Variants in MTA3 observed in about 807,000 individuals in gnomAD.
MTA3 encodes the protein metastasis-associated protein MTA3.
Under a neutral mutation model 83.5 loss-of-function variants are expected in MTA3, and 34 were observed. That is an observed-to-expected ratio of 0.41 (90% CI 0.31 to 0.54). The LOEUF (loss-of-function observed/expected upper bound fraction) is 0.54. Among genes scored for constraint, MTA3 ranks in the 20% least tolerant of loss-of-function variants. MTA3 has a pLI of 0.33. For synonymous variants in MTA3, 303 were observed against 252.7 expected, an observed-to-expected ratio of 1.20 and a Z score of -1.89; for missense variants, 761 against 726.4, an observed-to-expected ratio of 1.05 and a Z score of -0.55.
intron 2 of MTA3, among the ~76,000 whole-genome samples, chr2:42,558,037 A>G (rs1558434681): frequency 6.6e-6 from 1 of 152,112 alleles, no homozygotes; most frequent in African/African-American, 2.4e-5. Flanking sequence ...CACTTTGCCA[A>G]ATCCAGTGTT....
intron 14 of MTA3, among the ~76,000 whole-genome samples, chr2:42,712,306 T>C (rs550975203): frequency 1.7e-4 from 26 of 152,240 alleles, no homozygotes; most frequent in Middle Eastern, 6.8e-3. Context: ...ATAGGAATTT[T>C]TTTTTTTAAG....
intron 7 of MTA3, among the ~76,000 whole-genome samples, chr2:42,656,823 A>T (rs1216611870): frequency 6.6e-6 from 1 of 152,252 alleles, no homozygotes; most frequent in East Asian, 1.9e-4. Context: ...TTAAAAAATG[A>T]TAACAGTAAA....
intron 16 of MTA3, among the ~76,000 whole-genome samples, chr2:42,745,867 G>A (rs1393074604): frequency 7.7e-6 from 1 of 129,454 alleles, no homozygotes; most frequent in Non-Finnish European, 1.6e-5. Flanking sequence ...AGATGGGAAT[G>A]CAGTGGCTCA....
chr2:42,674,063 T>C (rs1691098547), intron 8 of MTA3, among the ~76,000 whole-genome samples: 1 of 152,200 alleles, frequency 6.6e-6, no homozygotes. Context: ...TGCCAAGCTA[T>C]AGGTTGGGTC....
intron 3 of MTA3, among the ~76,000 whole-genome samples, chr2:42,587,887 TGGTGTACTA>T (rs1250456513): frequency 6.6e-6 from 1 of 152,166 alleles, no homozygotes; most frequent in Non-Finnish European, 1.5e-5. Context: ...CAGGTGTCCC[TGGTGTACTA>T]ACCTAATGTT....
At chr2:42,544,495 G>A (rs1676668987) in intron 2 of MTA3, among the ~76,000 whole-genome samples, 1 of 149,616 alleles carries the variant, frequency 6.7e-6, no homozygotes. Context: ...CATAGTTATA[G>A]TCATGCTTTG....
At chr2:42,592,979 T>C (rs1304577694) in intron 3 of MTA3, among the ~76,000 whole-genome samples, 1 of 150,536 alleles carries the variant, frequency 6.6e-6, no homozygotes, top group East Asian at 2.0e-4. Flanking sequence ...GGTGAAACAC[T>C]GTCTCTACTA....
intron 2 of MTA3, among the ~76,000 whole-genome samples, chr2:42,543,996 C>G (rs1676642603): frequency 6.6e-6 from 1 of 152,028 alleles, no homozygotes; most frequent in Non-Finnish European, 1.5e-5. Flanking sequence ...TCAACTCCAT[C>G]TTTAAACTAG....
At chr2:42,582,637 T>C (rs1274821585) in intron 3 of MTA3, among the ~76,000 whole-genome samples, 6 of 152,172 alleles carry the variant, frequency 3.9e-5, no homozygotes, top group African/African-American at 1.4e-4. Flanking sequence ...TTAAAAAAAT[T>C]ATTGCTGCAA....
At chr2:42,710,549 C>CA (rs765315082) in intron 14 of MTA3, among the ~76,000 whole-genome samples, 2,400 of 60,412 alleles carry the variant, frequency 0.04, 74 homozygotes, top group Middle Eastern at 0.054. Context: ...AACTTCATCT[C>CA]AAAAAAAAAA....
At chr2:42,714,514 T>A (rs1015377724) in intron 14 of MTA3, among the ~76,000 whole-genome samples, 1 of 152,196 alleles carries the variant, frequency 6.6e-6, no homozygotes, top group Non-Finnish European at 1.5e-5. Context: ...TTTTTGTGAA[T>A]TCTGTGTGTA....
intron 10 of MTA3, among the ~76,000 whole-genome samples, chr2:42,696,902 A>G (rs1693434540): frequency 6.6e-6 from 1 of 152,230 alleles, no homozygotes; most frequent in Non-Finnish European, 1.5e-5. Context: ...AAGACCATGT[A>G]GTCTGGGAAC....
intron 5 of MTA3, among the ~76,000 whole-genome samples, chr2:42,643,700 G>T (rs914668299): frequency 6.6e-6 from 1 of 152,212 alleles, no homozygotes; most frequent in East Asian, 1.9e-4. Flanking sequence ...CTAAAAGCTG[G>T]GATGGACATT....
At chr2:42,667,281 A>G (rs1690309309) in intron 8 of MTA3, among the ~76,000 whole-genome samples, 1 of 152,068 alleles carries the variant, frequency 6.6e-6, no homozygotes, top group Admixed American at 6.6e-5. Flanking sequence ...CCATTTTTAA[A>G]TGTATTAAGT....
chr2:42,643,971 A>G (rs1687929647), intron 5 of MTA3, among the ~76,000 whole-genome samples, 156 bp from the exon 6 acceptor site: 1 of 152,224 alleles, frequency 6.6e-6, no homozygotes, highest in African/African-American at 2.4e-5. Context: ...TGACGGTAAC[A>G]CCATGCTCTC....
At chr2:42,751,547 G>A (rs1442902700) in intron 16 of MTA3, among the ~76,000 whole-genome samples, 2 of 152,212 alleles carry the variant, frequency 1.3e-5, no homozygotes, top group Non-Finnish European at 2.9e-5. Context: ...CAGGTGGTAA[G>A]TACTGGGATT....
At chr2:42,538,649 A>G (rs1676364422) in intron 2 of MTA3, among the ~76,000 whole-genome samples, 1 of 150,142 alleles carries the variant, frequency 6.7e-6, no homozygotes, top group South Asian at 2.1e-4. Context: ...TGGAGATTGC[A>G]GTGAGCCCAG....
chr2:42,592,002 G>C (rs980325536), intron 3 of MTA3, among the ~76,000 whole-genome samples: 2 of 151,332 alleles, frequency 1.3e-5, no homozygotes, highest in Admixed American at 6.6e-5. Context: ...AGTGGCTCAC[G>C]CCTGTAATCC....
In MTA3 at chr2:42,729,091, T is replaced by TTG. The variant is rs1263524637; in HGVS notation, c.1759+6057_1759+6058insGT. Among the ~76,000 whole-genome samples, 44 of 109,086 alleles carry TTG rather than the reference T, an allele frequency of 4.0e-4. 9 individuals are homozygous for TTG. The East Asian group carries it at 8.6e-3, about 21-fold the overall frequency. The allele number at this position is 109,086 out of a possible 152,430, so 71.6% of individuals were successfully genotyped here. A position where few individuals can be genotyped will look rare whatever the true frequency, so the allele number is the denominator to read the frequency against. ...TTATTAGTTTCACAGTTTGAGTTTT[T>TTG]TTTTTTTTTTTTTTTTTTTTTTCAC... On this transcript the variant is annotated intron_variant, in intron 16 of 16. Coordinates refer to ENST00000405094, the MANE Select transcript of MTA3 (RefSeq NM_001330442.2).
Sources: gnomAD v4.1 joint callset for allele counts (sites outside exome capture counted in the v4.1 genomes callset) on GRCh38, gnomAD v4.1.1 for gene constraint, MANE v1.5 for transcripts, NCBI Gene and HGNC (gene_info 2026-07-23, HGNC 2026-07-21) for gene names.